Variants in TPD52L1 observed in about 807,000 individuals in gnomAD.
TPD52L1 encodes the protein TPD52 like 1.
A neutral mutation model predicts 28.7 loss-of-function variants in TPD52L1; 18 were observed. The observed-to-expected ratio is 0.63, with a 90% CI of 0.43 to 0.93. TPD52L1 has a LOEUF of 0.93. Ranked by LOEUF, TPD52L1 falls within the 40% of genes least tolerant of loss-of-function variation. The pLI, the probability that TPD52L1 is intolerant of heterozygous loss-of-function variation, is 0.00. For missense variants in TPD52L1, 203 were observed against 254.8 expected (o/e 0.80, Z 1.39); for synonymous variants, 75 against 88.8 (o/e 0.84, Z 0.88).
intron 1 of TPD52L1, among the ~76,000 whole-genome samples, chr6:125,184,510 C>A (rs1405025317): frequency 6.6e-6 from 1 of 152,184 alleles, no homozygotes; most frequent in African/African-American, 2.4e-5. Flanking sequence ...CAGCTTCCAG[C>A]ACTTTGCAGC....
At chr6:125,192,515 GA>G (rs889056948) in intron 1 of TPD52L1, among the ~76,000 whole-genome samples, 2 of 152,052 alleles carry the variant, frequency 1.3e-5, no homozygotes, top group African/African-American at 4.8e-5. Context: ...TGTTGCCAGA[GA>G]GCCCTTGATT....
rs553013232 is a variant in TPD52L1 at position 125,171,241 on chromosome 6, T to C, written c.19+17271T>C. On this transcript the variant is annotated intron_variant, in intron 1 of 6. Transcript: ENST00000534000. ...TCTAGGAGATTCTGATGCCCACTTATGTTTGATGATATGATGTACACTCAA... is the reference window on the plus strand; with the variant it reads ...TCTAGGAGATTCTGATGCCCACTTACGTTTGATGATATGATGTACACTCAA... Among the ~76,000 whole-genome samples, 3 of 152,308 alleles carry C rather than the reference T, an allele frequency of 2.0e-5. No individual in the cohort carries two copies. In the South Asian group the frequency reaches 6.2e-4, roughly 32 times the overall value.
intron 1 of TPD52L1, among the ~76,000 whole-genome samples, chr6:125,159,017 G>C (rs1397004954): frequency 2.6e-5 from 4 of 152,216 alleles, no homozygotes; most frequent in East Asian, 3.8e-4. Flanking sequence ...TACTGGTGGA[G>C]GGTCTTGCCT....
intron 5 of TPD52L1, among the ~76,000 whole-genome samples, chr6:125,255,752 C>T (rs1364648249): frequency 6.7e-6 from 1 of 149,662 alleles, no homozygotes; most frequent in Non-Finnish European, 1.5e-5. Context: ...TTTTTTTGCA[C>T]TCAAGAGAGA....
At chr6:125,252,095 T>G in intron 4 of TPD52L1, 1 of 1,527,596 alleles carries the variant, frequency 6.5e-7, no homozygotes, top group Non-Finnish European at 8.8e-7. Context: ...CCCTTTGCTT[T>G]CCAGGGCTCC....
chr6:125,192,640 G>C (rs2114864053), intron 1 of TPD52L1, among the ~76,000 whole-genome samples: 1 of 152,226 alleles, frequency 6.6e-6, no homozygotes, highest in Middle Eastern at 3.4e-3. Flanking sequence ...TTCCAACTAG[G>C]GCTGAGCCCG....
intron 1 of TPD52L1, among the ~76,000 whole-genome samples, chr6:125,166,059 G>C (rs150067543): frequency 6.6e-6 from 1 of 152,050 alleles, no homozygotes; most frequent in African/African-American, 2.4e-5. Context: ...GCTTTTTATT[G>C]CCTCATGAGT....
chr6:125,179,166 C>T (rs2114813643), intron 1 of TPD52L1, among the ~76,000 whole-genome samples: 1 of 152,316 alleles, frequency 6.6e-6, no homozygotes, highest in African/African-American at 2.4e-5. Context: ...GAAATGTGGA[C>T]ACAATTTTCC....
chr6:125,193,216 G>T (rs1044116914), intron 1 of TPD52L1, among the ~76,000 whole-genome samples: 1 of 152,180 alleles, frequency 6.6e-6, no homozygotes, highest in Admixed American at 6.5e-5. Context: ...CAAGTTGGGG[G>T]GATGGAGGCT....
chr6:125,159,963 T>A (rs1448591185), intron 1 of TPD52L1, among the ~76,000 whole-genome samples: 1 of 152,148 alleles, frequency 6.6e-6, no homozygotes, highest in Admixed American at 6.5e-5. Flanking sequence ...CCCATGCTGT[T>A]CTCATGATAG....
At chr6:125,243,875 T>C (rs1051338542) in intron 3 of TPD52L1, among the ~76,000 whole-genome samples, 1 of 152,192 alleles carries the variant, frequency 6.6e-6, no homozygotes, top group Non-Finnish European at 1.5e-5. Flanking sequence ...GAACCCTGGT[T>C]TGTTTTATTA....
intron 6 of TPD52L1, chr6:125,261,015 AAAGAAAAGAAAAG>A: frequency 4.5e-5 from 2 of 44,424 alleles, no homozygotes; most frequent in African/African-American, 4.1e-4. Flanking sequence ...AGAAAGAAAG[AAAGAAAAGAAAAG>A]AAAGAAAGAA....
At chr6:125,262,578 T>A (rs1798121940) in intron 6 of TPD52L1, 1 of 374,586 alleles carries the variant, frequency 2.7e-6, no homozygotes, top group African/African-American at 2.1e-5. Flanking sequence ...GGGATTAAAA[T>A]CTTAGATACA....
At chr6:125,199,058 A>C (rs1000798270) in intron 1 of TPD52L1, among the ~76,000 whole-genome samples, 5 of 152,248 alleles carry the variant, frequency 3.3e-5, no homozygotes, top group Non-Finnish European at 5.9e-5. Flanking sequence ...CAGCACTTAA[A>C]GGACAAAAAG....
intron 1 of TPD52L1, 122 bp from the exon 2 acceptor site, chr6:125,219,956 A>G (rs1795125088): frequency 1.3e-6 from 1 of 757,262 alleles, no homozygotes; most frequent in Non-Finnish European, 2.4e-6. Context: ...CTTTTCTGGA[A>G]TTTTTAGTTG....
intron 6 of TPD52L1, chr6:125,261,444 ATTAT>A (rs1346601175): frequency 2.0e-5 from 3 of 152,282 alleles, no homozygotes; most frequent in Admixed American, 2.0e-4. Flanking sequence ...CAATAGCAAC[ATTAT>A]TTATTCTATA....
intron 3 of TPD52L1, among the ~76,000 whole-genome samples, chr6:125,232,397 C>A (rs1033617355): frequency 6.6e-6 from 1 of 152,106 alleles, no homozygotes; most frequent in Non-Finnish European, 1.5e-5. Flanking sequence ...AAATCTGTAT[C>A]CCTCTGAATT....
intron 1 of TPD52L1, among the ~76,000 whole-genome samples, chr6:125,217,924 A>G (rs1794989150): frequency 6.6e-6 from 1 of 152,130 alleles, no homozygotes; most frequent in South Asian, 2.1e-4. Flanking sequence ...GTGATAGTTC[A>G]TTCATTTTGC....
intron 1 of TPD52L1, among the ~76,000 whole-genome samples, chr6:125,205,705 A>G (rs1050375276): frequency 9.9e-5 from 15 of 152,186 alleles, no homozygotes; most frequent in African/African-American, 3.1e-4. Flanking sequence ...ACTTTCTGCT[A>G]TCTTTAGTAT....
Sources: gnomAD v4.1 joint callset for allele counts (sites outside exome capture counted in the v4.1 genomes callset) on GRCh38, gnomAD v4.1.1 for gene constraint, MANE v1.5 for transcripts, NCBI Gene and HGNC (gene_info 2026-07-23, HGNC 2026-07-21) for gene names.